The following SNAPC1 variants were observed in gnomAD, a reference collection of about 807,000 sequenced individuals.
SNAPC1 encodes the protein snRNA-activating protein complex subunit 1.
SNAPC1 carries 42 observed loss-of-function variants against 50.1 expected under a neutral mutation model. The ratio of observed to expected loss-of-function variants is 0.84; its 90% CI spans 0.65 to 1.08. The LOEUF (loss-of-function observed/expected upper bound fraction) is 1.08, where lower values mean the gene tolerates loss of function less well. SNAPC1 is among the 50% of genes least tolerant of loss of function. SNAPC1 has a pLI of 0.00. For missense variants in SNAPC1, 477 were observed against 427.3 expected (o/e 1.12, Z -1.02); for synonymous variants, 164 against 144.2 (o/e 1.14, Z -0.98).
At position 61,776,209 on chromosome 14, in the gene SNAPC1, A is replaced by G; in HGVS notation, c.649A>G (p.Lys217Glu). ...AAAGGATGATTTTTTTGACAATATT[A>G]AGAACATAGTTTTGGAGCATCAGCA... ...LIKDDFFDNIKNIVLEHQQWH... is the reference protein window; with the variant it reads ...LIKDDFFDNIENIVLEHQQWH... Residue 217 changes from lysine (K) to glutamate (E), a missense_variant, in exon 5 of 10, where the codon AAG becomes GAG. Transcript: ENST00000216294. 6.2e-7 allele frequency: 1 copy of G among 1,613,200 alleles called. No homozygotes were observed. The highest frequency in any genetic ancestry group is 2.2e-5 in the East Asian group (1 of 44,834).
chr14:61,781,783 C>T (rs952137312), intron 7 of SNAPC1, among the ~76,000 whole-genome samples: 1 of 152,206 alleles, frequency 6.6e-6, no homozygotes, highest in Non-Finnish European at 1.5e-5. Flanking sequence ...ATGATACATA[C>T]CACATACCCC....
At position 61,774,018 on chromosome 14, in the gene SNAPC1, A is replaced by G. The variant is rs534414196; in HGVS notation, c.535-2077A>G. On this transcript the variant is annotated intron_variant, in intron 4 of 9. Transcript: ENST00000216294. ...GCCATCGTGCACGGCCCCCAGTTTT[A>G]AAAATAAGGAAACTGAGGTTTAGAG... Among the ~76,000 whole-genome samples the G allele has an allele frequency of 2.6e-5, 4 of 152,252 alleles. No individual in the cohort carries two copies. The East Asian group carries it at 5.8e-4, about 22-fold the overall frequency.
intron 9 of SNAPC1, among the ~76,000 whole-genome samples, chr14:61,794,607 A>G (rs1152573): frequency 0.3 from 44,906 of 151,958 alleles, 6,818 homozygotes; most frequent in South Asian, 0.4. Context: ...ATGGGGTTTC[A>G]CCATGTTAGC....
chr14:61,776,164 G>C lies in SNAPC1; in HGVS notation c.604G>C (p.Asp202His), dbSNP rs772209222. 2 of 1,611,970 alleles carry C rather than the reference G, an allele frequency of 1.2e-6. No individual in the cohort carries two copies. The highest frequency in any genetic ancestry group is 1.7e-6 in the Non-Finnish European group (2 of 1,178,852). ...HVISVDKSKP[D>H]KALSLIKDDF... ...AATTTCAGTTGATAAGTCCAAGCCAGATAAAGCCCTCAGCTTGATAAAGGA... is the reference window on the plus strand; with the variant it reads ...AATTTCAGTTGATAAGTCCAAGCCACATAAAGCCCTCAGCTTGATAAAGGA... The change falls in exon 5 of 10, where the codon GAT (aspartate) becomes CAT (histidine). Residue 202 changes from aspartate (D) to histidine (H), a missense_variant. Coordinates refer to ENST00000216294, the MANE Select transcript of SNAPC1 (RefSeq NM_003082.4).
intron 4 of SNAPC1, among the ~76,000 whole-genome samples, chr14:61,770,866 C>A (rs1566588286): frequency 6.6e-6 from 1 of 152,044 alleles, no homozygotes; most frequent in Non-Finnish European, 1.5e-5. Flanking sequence ...CTCAGCCTCT[C>A]GAGTAGCTGG....
intron 5 of SNAPC1, among the ~76,000 whole-genome samples, 178 bp from the exon 6 acceptor site, chr14:61,777,894 T>C (rs537067949): frequency 1.2e-4 from 19 of 152,342 alleles, no homozygotes; most frequent in Non-Finnish European, 2.1e-4. Context: ...TGATGAATTG[T>C]AGAACATTTT....
intron 8 of SNAPC1, among the ~76,000 whole-genome samples, chr14:61,787,190 C>T (rs58395915): frequency 0.19 from 28,510 of 152,084 alleles, 2,924 homozygotes; most frequent in African/African-American, 0.26. Context: ...TGATGGAAAT[C>T]TATATTTTCG....
chr14:61,771,856 G>C (rs1015025958), intron 4 of SNAPC1, among the ~76,000 whole-genome samples: 6 of 152,096 alleles, frequency 3.9e-5, no homozygotes, highest in Non-Finnish European at 7.4e-5. Context: ...AGAAATAGAA[G>C]GCAAACAGAC....
intron 9 of SNAPC1, among the ~76,000 whole-genome samples, chr14:61,793,661 C>CT (rs71117855): frequency 0.91 from 119,080 of 130,572 alleles, 54,942 homozygotes; most frequent in Non-Finnish European, 0.98. Context: ...TTCTTTTTTT[C>CT]TTTTTTTTTT....
At chr14:61,766,146 A>G (rs2044947232) in intron 1 of SNAPC1, among the ~76,000 whole-genome samples, 1 of 152,220 alleles carries the variant, frequency 6.6e-6, no homozygotes, top group Non-Finnish European at 1.5e-5. Context: ...AAATCAGTGT[A>G]TTTTATGTTC....
intron 4 of SNAPC1, among the ~76,000 whole-genome samples, chr14:61,769,483 C>T (rs374190899): frequency 6.6e-6 from 1 of 150,376 alleles, no homozygotes; most frequent in African/African-American, 2.5e-5. Flanking sequence ...TTGTAACCTC[C>T]GCCTCCCAGG....
At position 61,767,218 on chromosome 14, in the gene SNAPC1, G is replaced by A; in HGVS notation, c.295G>A (p.Val99Ile). The A allele has an allele frequency of 1.4e-6, 2 of 1,473,890 alleles. No homozygotes were observed. The highest frequency in any genetic ancestry group is 2.5e-5 in the East Asian group (1 of 40,278). The allele number at this position is 1,473,890 out of a possible 1,614,324, so 91.3% of individuals were successfully genotyped here. Residue 99 changes from valine to isoleucine, a missense_variant, in exon 3 of 10, where the codon GTT becomes ATT. Coordinates refer to ENST00000216294, the MANE Select transcript of SNAPC1 (RefSeq NM_003082.4). The part of the protein sequence containing the change: ...QLCQPKQKIR[V>I]ALKDWDEVLK... ...TTTTTCTTCCTGGTTGCAGATCAGA[G>A]TTGCCCTGAAGGATTGGGATGAAGT...
Position 61,767,340 on chromosome 14 carries a change from A to G in SNAPC1, c.417A>G (p.Ala139=). 2 of 1,467,012 alleles carry G rather than the reference A, an allele frequency of 1.4e-6. No homozygotes were observed. Among genetic ancestry groups the G allele is most frequent in the Non-Finnish European group, 9.1e-7 (1 of 1,104,796 alleles). 90.9% of individuals were successfully genotyped at this position (1,467,012 alleles called of 1,614,324 possible). Residue 139 remains alanine (A), a synonymous_variant, in exon 3 of 10, where the codon GCA becomes GCG. Coordinates refer to ENST00000216294, the MANE Select transcript of SNAPC1 (RefSeq NM_003082.4). ...TAGACAGAGCATTTCACTTTACAGC[A>G]ATGCCCAAATTGGTATGTTGCCTAA... The part of the protein sequence containing the change: ...LRLDRAFHFT[A]MPKLLSYRMK...
In SNAPC1 at chr14:61,795,390, C is replaced by T. The variant is rs1311983485; in HGVS notation, c.*407C>T. Reference sequence around the variant, plus strand: ...CAAATAACTATTTTGTATCTACAGTCGGATAATGGATTTTTTATTTTGTAT... The same window carrying T: ...CAAATAACTATTTTGTATCTACAGTTGGATAATGGATTTTTTATTTTGTAT... On this transcript the variant is annotated 3_prime_UTR_variant, in exon 10 of 10. Coordinates refer to ENST00000216294, the MANE Select transcript of SNAPC1 (RefSeq NM_003082.4). 6.6e-6 allele frequency: 1 copy of T among 152,584 alleles called. No homozygotes were observed. The highest frequency in any genetic ancestry group is 1.5e-5 in the Non-Finnish European group (1 of 68,244). The allele number at this position is 152,584 out of a possible 1,614,324, so 9.5% of individuals were successfully genotyped here.
intron 1 of SNAPC1, among the ~76,000 whole-genome samples, chr14:61,762,801 C>T (rs1223209074): frequency 6.6e-6 from 1 of 151,918 alleles, no homozygotes; most frequent in Non-Finnish European, 1.5e-5. Flanking sequence ...GGCCTCCTCC[C>T]AAATATGCGT....
At chr14:61,773,576 T>G (rs1437175384) in intron 4 of SNAPC1, among the ~76,000 whole-genome samples, 4 of 150,962 alleles carry the variant, frequency 2.6e-5, no homozygotes, top group Admixed American at 2.6e-4. Flanking sequence ...TTGTATTTTT[T>G]TAGTAGAGAC....
At chr14:61,785,711 T>C (rs537658510) in intron 8 of SNAPC1, among the ~76,000 whole-genome samples, 63 of 152,264 alleles carry the variant, frequency 4.1e-4, no homozygotes, top group African/African-American at 1.5e-3. Context: ...AGGTTAGAAG[T>C]AGGTAAGACA....
intron 7 of SNAPC1, among the ~76,000 whole-genome samples, chr14:61,781,627 T>G (rs915363710): frequency 5.9e-5 from 9 of 152,200 alleles, no homozygotes; most frequent in African/African-American, 2.2e-4. Flanking sequence ...AAGCTATCAT[T>G]AAGACTGGCC....
At chr14:61,789,313 TTATC>T (rs1030128580) in intron 8 of SNAPC1, among the ~76,000 whole-genome samples, 3 of 151,502 alleles carry the variant, frequency 2.0e-5, no homozygotes, top group Non-Finnish European at 4.4e-5. Flanking sequence ...AAACACAACA[TTATC>T]TATACATTTC....
Sources: allele counts gnomAD v4.1 joint callset (sites outside exome capture counted in the v4.1 genomes callset), GRCh38; gene constraint gnomAD v4.1.1; transcripts MANE v1.5; gene names NCBI Gene and HGNC (gene_info 2026-07-23, HGNC 2026-07-21).